The following ASCC3 variants were observed in gnomAD, a reference collection of about 807,000 sequenced individuals.
ASCC3 encodes the protein ASC-1 complex subunit P200.
ASCC3 carries 158 observed loss-of-function variants against 256.3 expected under a neutral mutation model. The ratio of observed to expected loss-of-function variants is 0.62; its 90% confidence interval spans 0.54 to 0.70. ASCC3 has a LOEUF of 0.70. ASCC3 is among the 30% of genes least tolerant of loss of function. The pLI is 0.00. For missense variants in ASCC3, 2,259 were observed against 2,626.0 expected (o/e 0.86, Z 3.05); for synonymous variants, 948 against 883.4 (o/e 1.07, Z -1.30).
At chr6:100,665,707 T>A (rs1444887908) in intron 14 of ASCC3, among the ~76,000 whole-genome samples, 5 of 146,180 alleles carry the variant, frequency 3.4e-5, no homozygotes, top group Non-Finnish European at 4.5e-5. Flanking sequence ...ATCACTGAAC[T>A]CCAGCCTGGG....
chr6:100,695,570 A>C (rs1778043935), intron 13 of ASCC3, among the ~76,000 whole-genome samples: 2 of 152,220 alleles, frequency 1.3e-5, no homozygotes, highest in South Asian at 4.1e-4. Flanking sequence ...AAAGGGTAAC[A>C]AAAGCCTAGA....
Position 100,680,599 on chromosome 6 carries a change from A to G in ASCC3, c.2152-847T>C, listed in dbSNP as rs1232788931. On this transcript the variant is annotated intron_variant, in intron 13 of 41. Coordinates refer to ENST00000369162, the MANE Select transcript of ASCC3 (RefSeq NM_006828.4). The stretch of plus-strand genomic sequence containing the variant: ...TTTTTCAATTTTATCTGGTGTGAAT[A>G]AAAGCAACTTTACATTGTTAACAAT... Among the ~76,000 whole-genome samples the G allele has an allele frequency of 2.6e-5, 4 of 152,330 alleles. 1 individual carries two copies. Among genetic ancestry groups the G allele is most frequent in the Middle Eastern group, 6.8e-3 (2 of 294 alleles).
At chr6:100,530,895 C>G in intron 37 of ASCC3, 1 of 1,276,594 alleles carries the variant, frequency 7.8e-7, no homozygotes, top group Non-Finnish European at 1.1e-6. Flanking sequence ...CACAAACAAT[C>G]AATACCAAAA....
intron 3 of ASCC3, chr6:100,859,117 T>G (rs773391725): frequency 2.6e-6 from 2 of 779,828 alleles, no homozygotes; most frequent in Non-Finnish European, 4.8e-6. Flanking sequence ...GTCATCTTAG[T>G]CCTCTGAATC....
chr6:100,715,793 G>T (rs1401191583), intron 12 of ASCC3, among the ~76,000 whole-genome samples: 1 of 151,540 alleles, frequency 6.6e-6, no homozygotes, highest in Non-Finnish European at 1.5e-5. Context: ...TTAAAATACA[G>T]TATCTTTAAG....
chr6:100,542,464 C>T (rs538582652), intron 36 of ASCC3, among the ~76,000 whole-genome samples: 2 of 152,180 alleles, frequency 1.3e-5, no homozygotes, highest in Non-Finnish European at 1.5e-5. Flanking sequence ...CAGCGGATCA[C>T]GAGGTCAAGA....
rs1035432629 is a variant in ASCC3 at position 100,761,679 on chromosome 6, T to C, written c.1737+4886A>G. Among the ~76,000 whole-genome samples the C allele has an allele frequency of 2.6e-5, 4 of 152,098 alleles. No homozygotes were observed. The East Asian group carries it at 7.7e-4, about 29-fold the overall frequency. ...GGGTATAATCCAACATGCATGACTA[T>C]GGCTGCACAAAAAGAGGAGAGAAAA... On this transcript the variant is annotated intron_variant, in intron 10 of 41. Transcript: ENST00000369162.
At chr6:100,767,734 G>T (rs1024216687) in intron 8 of ASCC3, among the ~76,000 whole-genome samples, 17 of 151,216 alleles carry the variant, frequency 1.1e-4, no homozygotes, top group Admixed American at 9.9e-4. Context: ...TCAGCCTCCC[G>T]AGTAGCTGGG....
At chr6:100,624,297 C>T (rs2114851727) in intron 30 of ASCC3, among the ~76,000 whole-genome samples, 1 of 150,972 alleles carries the variant, frequency 6.6e-6, no homozygotes, top group South Asian at 2.1e-4. Flanking sequence ...TCACACAAAT[C>T]TACAAAATAA....
Position 100,589,965 on chromosome 6 carries a change from A to C in ASCC3, c.5398T>G (p.Cys1800Gly). The C allele has an allele frequency of 6.2e-7, 1 of 1,612,782 alleles. No individual in the cohort carries two copies. The highest frequency in any genetic ancestry group is 1.1e-5 in the South Asian group (1 of 91,050). ...KSLIELELSY[C>G]IEIGEDNRSI... ...AGTCATACCTCTCCAATTTCAATAC[A>C]GTAGGAAAGTTCCAATTCAATCAGG... The change falls in exon 35 of 42, where the codon TGT (cysteine) becomes GGT (glycine). Residue 1800 changes from cysteine (C) to glycine (G), a missense_variant. Cys to Gly is a radical substitution (Grantham distance 159). Around this residue, in one of 2 missense-constraint regions of ASCC3, gnomAD observed 1,839 missense variants for 2,206.7 expected, o/e 0.83. Coordinates refer to ENST00000369162, the MANE Select transcript of ASCC3 (RefSeq NM_006828.4).
chr6:100,528,858 A>G (rs1230782460), intron 37 of ASCC3, among the ~76,000 whole-genome samples: 2 of 152,198 alleles, frequency 1.3e-5, no homozygotes, highest in Non-Finnish European at 2.9e-5. Flanking sequence ...TTCAATCTAT[A>G]CTAACATTTA....
At chr6:100,522,553 T>A (rs1209767053) in intron 37 of ASCC3, among the ~76,000 whole-genome samples, 1 of 151,672 alleles carries the variant, frequency 6.6e-6, no homozygotes, top group Non-Finnish European at 1.5e-5. Flanking sequence ...GGGCACAAAG[T>A]GGGCAGTCAA....
chr6:100,697,797 C>T (rs75830446), intron 13 of ASCC3, among the ~76,000 whole-genome samples: 2,383 of 152,088 alleles, frequency 0.016, 53 homozygotes, highest in African/African-American at 0.055. Context: ...AGGCTGGTAA[C>T]GGAAGGAATT....
At chr6:100,569,319 G>T (rs774404269) in intron 36 of ASCC3, among the ~76,000 whole-genome samples, 1 of 151,978 alleles carries the variant, frequency 6.6e-6, no homozygotes, top group Non-Finnish European at 1.5e-5. Flanking sequence ...CTGTTCCACA[G>T]GTTTATGTGT....
chr6:100,549,218 T>C lies in ASCC3; in HGVS notation c.5551-8831A>G, dbSNP rs547165712. On this transcript the variant is annotated intron_variant, in intron 36 of 41. Transcript: ENST00000369162. Reference sequence around the variant, plus strand: ...GTTGTGCAAAAATAGTTTCAACAGATTTAATACAGCAGGCTGAAAAAGTAT... The same window carrying C: ...GTTGTGCAAAAATAGTTTCAACAGACTTAATACAGCAGGCTGAAAAAGTAT... Among the ~76,000 whole-genome samples, 8 of 152,074 alleles carry C rather than the reference T, an allele frequency of 5.3e-5. No homozygotes were observed. The South Asian group carries it at 6.2e-4, about 12-fold the overall frequency.
At chr6:100,635,225 T>TAC (rs747934251) in intron 25 of ASCC3, among the ~76,000 whole-genome samples, 73 of 151,448 alleles carry the variant, frequency 4.8e-4, no homozygotes, top group African/African-American at 9.9e-4. Context: ...GATATATATG[T>TAC]ACACACACAC....
intron 36 of ASCC3, among the ~76,000 whole-genome samples, chr6:100,547,293 C>G (rs2114677215): frequency 6.6e-6 from 1 of 151,912 alleles, no homozygotes; most frequent in South Asian, 2.1e-4. Context: ...CACAGAACAT[C>G]TTTGTTACCT....
intron 34 of ASCC3, among the ~76,000 whole-genome samples, chr6:100,595,538 G>T (rs1427876606): frequency 6.6e-6 from 1 of 152,034 alleles, no homozygotes; most frequent in Admixed American, 6.6e-5. Context: ...TTTGTTTTTT[G>T]GGGGGCATCA....
chr6:100,771,226 A>T (rs2115142418), intron 8 of ASCC3, among the ~76,000 whole-genome samples: 1 of 152,274 alleles, frequency 6.6e-6, no homozygotes, highest in South Asian at 2.1e-4. Flanking sequence ...ATGGATATAC[A>T]CGTTAAAAAA....
Sources: allele counts gnomAD v4.1 joint callset (sites outside exome capture counted in the v4.1 genomes callset), GRCh38; gene constraint gnomAD v4.1.1; regional missense constraint gnomAD v4.1.1; transcripts MANE v1.5; gene names NCBI Gene and HGNC (gene_info 2026-07-23, HGNC 2026-07-21).